The following SPMIP5 variants were observed in gnomAD, a reference collection of about 807,000 sequenced individuals.
SPMIP5 encodes sperm microtubule inner protein 5, also known as sperm-associated microtubule inner protein 5.
chr10:116,665,714 C>A, the SPMIP5 span: 25 of 1,614,190 alleles, frequency 1.5e-5, no homozygotes, highest in South Asian at 2.5e-4. Flanking sequence ...CTGCGCAGCA[C>A]AATTCCCGCA....
chr10:116,668,302 G>A, the SPMIP5 span: 1 of 1,613,570 alleles, frequency 6.2e-7, no homozygotes, highest in Non-Finnish European at 8.5e-7. Flanking sequence ...GAAGGTCTTG[G>A]AAGGCTCCAT....
the SPMIP5 span, among the ~76,000 whole-genome samples, chr10:116,669,156 C>A: frequency 6.6e-6 from 1 of 152,160 alleles, no homozygotes; most frequent in Admixed American, 6.5e-5. Flanking sequence ...TCATTCCCCC[C>A]AAGTGGGCTG....
chr10:116,668,972 A>ACACACAC, the SPMIP5 span, among the ~76,000 whole-genome samples: 19 of 58,944 alleles, frequency 3.2e-4, no homozygotes, highest in South Asian at 1.8e-3. Flanking sequence ...CACACACACA[A>ACACACAC]ACAAGGGAGA....
At chr10:116,668,941 A>G in the SPMIP5 span, among the ~76,000 whole-genome samples, 1 of 145,220 alleles carries the variant, frequency 6.9e-6, no homozygotes, top group Non-Finnish European at 1.5e-5. Context: ...ATGCACACAC[A>G]CACACACACA....
At chr10:116,665,419 AAAG>A in the SPMIP5 span, 5 of 567,460 alleles carry the variant, frequency 8.8e-6, no homozygotes, top group Non-Finnish European at 9.0e-6. Flanking sequence ...AAAAAAAAAA[AAAG>A]AAAAAGAAAG....
chr10:116,664,805 C>T, the SPMIP5 span: 1 of 1,614,172 alleles, frequency 6.2e-7, no homozygotes, highest in Non-Finnish European at 8.5e-7. Flanking sequence ...TCTCCGTGAT[C>T]TCCAGGAAGT....
the SPMIP5 span, chr10:116,663,954 C>G: frequency 6.5e-7 from 1 of 1,538,180 alleles, no homozygotes; most frequent in Non-Finnish European, 8.7e-7. Context: ...GATACATCTT[C>G]CCACTGCATG....
chr10:116,662,678 G>A, the SPMIP5 span, among the ~76,000 whole-genome samples: 6 of 152,264 alleles, frequency 3.9e-5, no homozygotes, highest in Admixed American at 3.9e-4. Context: ...GGTGGTTGCT[G>A]AGGGAGGTCA....
the SPMIP5 span, among the ~76,000 whole-genome samples, chr10:116,669,363 C>A: frequency 6.6e-6 from 1 of 152,196 alleles, no homozygotes; most frequent in Non-Finnish European, 1.5e-5. Flanking sequence ...GCCACTCTAA[C>A]CCCTGGCATC....
At chr10:116,665,586 A>C in the SPMIP5 span, 1 of 1,602,202 alleles carries the variant, frequency 6.2e-7, no homozygotes, top group African/African-American at 1.3e-5. Context: ...GGTGAGGGGA[A>C]ATGGTTTCAG....
the SPMIP5 span, among the ~76,000 whole-genome samples, chr10:116,667,412 C>T: frequency 1.3e-5 from 2 of 152,320 alleles, no homozygotes; most frequent in Admixed American, 6.5e-5. Flanking sequence ...AAAACAAATA[C>T]ATCCATTTTA....
At chr10:116,668,239 AG>A in the SPMIP5 span, 1 of 1,610,476 alleles carries the variant, frequency 6.2e-7, no homozygotes, top group Non-Finnish European at 8.5e-7. Context: ...GCACAGCTGC[AG>A]GGTACGTCCA....
the SPMIP5 span, chr10:116,664,718 C>A: frequency 2.5e-6 from 4 of 1,600,840 alleles, no homozygotes; most frequent in Non-Finnish European, 3.4e-6. Flanking sequence ...TGCACTTCTC[C>A]CTTTGACCTT....
the SPMIP5 span, among the ~76,000 whole-genome samples, chr10:116,668,933 G>GCGCACACACACACA: frequency 8.9e-5 from 12 of 135,380 alleles, no homozygotes; most frequent in Middle Eastern, 3.6e-3. Context: ...GCACACACAT[G>GCGCACACACACACA]CACACACACA....
At chr10:116,665,877 A>C in the SPMIP5 span, 239 of 1,508,610 alleles carry the variant, frequency 1.6e-4, no homozygotes, top group Non-Finnish European at 2.1e-4. Context: ...GCCAGCAAGG[A>C]ATTCAGAGCC....
the SPMIP5 span, chr10:116,668,178 G>A: frequency 7.2e-7 from 1 of 1,381,690 alleles, no homozygotes; most frequent in Admixed American, 1.7e-5. Context: ...CACAGACACA[G>A]ACAGTGGGTC....
At chr10:116,665,100 G>C in the SPMIP5 span, 3 of 1,408,472 alleles carry the variant, frequency 2.1e-6, no homozygotes, top group Non-Finnish European at 2.8e-6. Flanking sequence ...CCCTCCCCTA[G>C]AAATGTTTCT....
chr10:116,666,529 A>C, the SPMIP5 span, among the ~76,000 whole-genome samples: 1 of 152,266 alleles, frequency 6.6e-6, no homozygotes, highest in South Asian at 2.1e-4. Flanking sequence ...ATAAATAAAT[A>C]AATCTCTCTC....
chr10:116,668,309 C>T, the SPMIP5 span: 1 of 1,613,090 alleles, frequency 6.2e-7, no homozygotes, highest in Non-Finnish European at 8.5e-7. Flanking sequence ...TTGGAAGGCT[C>T]CATGATTTCG....
Sources: gnomAD v4.1 joint callset for allele counts (sites outside exome capture counted in the v4.1 genomes callset) on GRCh38, gnomAD v4.1.1 for gene constraint, MANE v1.5 for transcripts, NCBI Gene and HGNC (gene_info 2026-07-23, HGNC 2026-07-21) for gene names.